The following AS3MT variants were observed in gnomAD, a reference collection of about 807,000 sequenced individuals.
The protein encoded by AS3MT is arsenite methyltransferase.
A neutral mutation model predicts 45.3 loss-of-function variants in AS3MT; 47 were observed. The observed-to-expected ratio is 1.04, with a 90% CI of 0.82 to 1.32. AS3MT has a LOEUF of 1.32. AS3MT is among the 40% of genes most tolerant of loss of function. The pLI is 0.00. For missense variants in AS3MT, 396 were observed against 451.1 expected, an observed-to-expected ratio of 0.88 and a Z score of 1.11; for synonymous variants, 141 against 152.8, an observed-to-expected ratio of 0.92 and a Z score of 0.57.
chr10:102,874,562 T>C, intron 5 of AS3MT, 30 bp from the exon 6 acceptor site: 1 of 1,496,912 alleles, frequency 6.7e-7, no homozygotes, highest in Non-Finnish European at 9.2e-7. Context: ...TTGTGAAGAT[T>C]TGCTCGACAT....
intron 5 of AS3MT, 45 bp downstream of exon 5, chr10:102,873,278 A>ATTT (rs761808698): frequency 2.7e-5 from 32 of 1,166,516 alleles, no homozygotes; most frequent in Non-Finnish European, 3.5e-5. Context: ...CATTTTCTTT[A>ATTT]TTATTATTAT....
intron 7 of AS3MT, 141 bp from the exon 8 acceptor site, chr10:102,878,238 G>A: frequency 8.2e-7 from 1 of 1,213,050 alleles, no homozygotes; most frequent in Non-Finnish European, 1.1e-6. Flanking sequence ...ACCTTGGAGG[G>A]ATGCTCAAGT....
chr10:102,873,065 A>T lies in AS3MT; in HGVS notation c.322-32A>T, dbSNP rs35140867. ...GAAAAAGTTGTGTATTTTTTTCAAA[A>T]TGTTATCAAAACTATATTTTTCTTA... On this transcript the variant is annotated intron_variant, in intron 4 of 10. Coordinates refer to ENST00000369880, the MANE Select transcript of AS3MT (RefSeq NM_020682.4). The T allele has an allele frequency of 2.7e-3, 4,187 of 1,524,000 alleles. 81 individuals carry two copies. In the African/African-American group the frequency reaches 0.049, roughly 18 times the overall value. The allele number at this position is 1,524,000 out of a possible 1,614,324, so 94.4% of individuals were successfully genotyped here. A position where few individuals can be genotyped will look rare whatever the true frequency, so the allele number is the denominator to read the frequency against.
intron 9 of AS3MT, among the ~76,000 whole-genome samples, chr10:102,887,357 G>C (rs1380382675): frequency 6.6e-6 from 1 of 152,162 alleles, no homozygotes; most frequent in Non-Finnish European, 1.5e-5. Context: ...CTAGTATATA[G>C]TTTAATGTTT....
intron 10 of AS3MT, among the ~76,000 whole-genome samples, chr10:102,899,813 G>A (rs539006538): frequency 4.0e-5 from 6 of 151,890 alleles, no homozygotes; most frequent in African/African-American, 1.2e-4. Context: ...GACTACAGAC[G>A]TGCCACCACA....
chr10:102,885,510 T>G (rs1445212414), intron 9 of AS3MT, among the ~76,000 whole-genome samples: 10 of 14,122 alleles, frequency 7.1e-4, no homozygotes, highest in Admixed American at 1.7e-3. Context: ...TTTTTTTTTT[T>G]TTTTTTTTTT....
intron 6 of AS3MT, 51 bp from the exon 7 acceptor site, chr10:102,876,903 G>T: frequency 6.5e-7 from 1 of 1,543,624 alleles, no homozygotes; most frequent in Non-Finnish European, 9.0e-7. Context: ...GTTATGTGGG[G>T]TCAATGTAAT....
chr10:102,877,615 G>A (rs889135746), intron 7 of AS3MT, among the ~76,000 whole-genome samples: 2 of 150,084 alleles, frequency 1.3e-5, no homozygotes, highest in Non-Finnish European at 3.0e-5. Flanking sequence ...GCACACACCT[G>A]TAACCCCAGA....
intron 6 of AS3MT, among the ~76,000 whole-genome samples, chr10:102,875,451 T>C (rs1590219802): frequency 8.8e-6 from 1 of 113,300 alleles, no homozygotes; most frequent in African/African-American, 3.5e-5. Flanking sequence ...CACTCCAGCC[T>C]GGGAGACAGA....
Position 102,876,945 on chromosome 10 carries a change from CTG to C in AS3MT, c.529-7_529-6del. 1 of 1,613,894 alleles carries C rather than the reference CTG, an allele frequency of 6.2e-7. No homozygotes were observed. On this transcript the variant is annotated splice_polypyrimidine_tract_variant and splice_region_variant and intron_variant, in intron 6 of 10. Transcript: ENST00000369880. Reference sequence around the variant, plus strand: ...TCATCTTGTTTGGACTAATATGCCTCTGTTTCAGCATGGTGGGGAGTTATATT... The same window carrying C: ...TCATCTTGTTTGGACTAATATGCCTCTTTCAGCATGGTGGGGAGTTATATT...
Position 102,890,953 on chromosome 10 carries a change from C to A in AS3MT, c.1020+275C>A, listed in dbSNP as rs180973069. ...GTCTTGAACTCCTGACCTCAGGTAA[C>A]CCACCTGCCTCAGTCTCCCAAAGTG... On this transcript the variant is annotated intron_variant, in intron 10 of 10. Transcript: ENST00000369880. 1.5e-3 allele frequency among the ~76,000 whole-genome samples: 222 copies of A among 152,164 alleles called. 1 individual carries two copies. The highest frequency in any genetic ancestry group is 4.9e-3 in the African/African-American group (202 of 41,532).
chr10:102,874,524 T>C (rs544242484), intron 5 of AS3MT, 68 bp from the exon 6 acceptor site: 1 of 1,173,806 alleles, frequency 8.5e-7, no homozygotes, highest in African/African-American at 1.5e-5. Flanking sequence ...ACCTTTAGGG[T>C]CTGAAAGGAT....
rs35801309 is a variant in AS3MT, at chr10:102,892,985, A to AAAATAAATAAATAAAT, written c.1020+2338_1020+2353dup. On this transcript the variant is annotated intron_variant, in intron 10 of 10. Transcript: ENST00000369880. ...TGGCAACAGAGTGAGACTCTGTCTC[A>AAAATAAATAAATAAAT]AAATAAATAAATAAATAAATAAATA... is the stretch of plus-strand genomic sequence containing the variant. 1.3e-3 allele frequency among the ~76,000 whole-genome samples: 174 copies of AAAATAAATAAATAAAT among 138,366 alleles called. 1 individual carries two copies. The highest frequency in any genetic ancestry group is 4.3e-3 in the African/African-American group (160 of 36,794). 90.8% of individuals were successfully genotyped at this position (138,366 alleles called of 152,430 possible).
chr10:102,896,914 T>C (rs80327774), intron 10 of AS3MT, among the ~76,000 whole-genome samples: 15,895 of 152,250 alleles, frequency 0.1, 857 homozygotes, highest in Middle Eastern at 0.18. Flanking sequence ...CTTTGGAAAG[T>C]AGACAGATTT....
rs1309828923 is a variant in AS3MT at position 102,881,379 on chromosome 10, C to T, written c.885+2388C>T. ...TCCAGAACAAAATTATGCTAAATCT[C>T]TCTGGTAATTAACTAAATAAAAATC... On this transcript the variant is annotated intron_variant, in intron 9 of 10. Transcript: ENST00000369880. The surrounding 1 kb of genome is among the most constrained non-coding windows in gnomAD (Gnocchi z 4.2). Among the ~76,000 whole-genome samples, 13 of 152,314 alleles carry T rather than the reference C, an allele frequency of 8.5e-5. No homozygotes were observed. Among genetic ancestry groups the T allele is most frequent in the Non-Finnish European group, 1.5e-5 (1 of 68,030 alleles).
At chr10:102,887,808 A>G (rs1458490772) in intron 9 of AS3MT, 3 of 152,878 alleles carry the variant, frequency 2.0e-5, no homozygotes, top group Non-Finnish European at 4.4e-5. Flanking sequence ...TTATTCAAGA[A>G]CTCATACCAA....
At chr10:102,899,723 A>G (rs574719137) in intron 10 of AS3MT, among the ~76,000 whole-genome samples, 1 of 147,350 alleles carries the variant, frequency 6.8e-6, no homozygotes, top group East Asian at 2.0e-4. Context: ...GTTGGAGTGC[A>G]GTGGTGTGAT....
At position 102,869,503 on chromosome 10, in the gene AS3MT, GTC is replaced by G. The variant is rs1844635598; in HGVS notation, c.-89_-88del. On this transcript the variant is annotated 5_prime_UTR_variant, in exon 1 of 11. Transcript: ENST00000369880. ...TGGCTGCGGGAGCCCGCCGTCCTGA[GTC>G]GCAGGCCGAGGAGACAGTGAGTGCG... The G allele has an allele frequency of 5.0e-6, 7 of 1,393,792 alleles. No individual in the cohort carries two copies. The African/African-American group carries it at 1.2e-4, about 23-fold the overall frequency. The allele number at this position is 1,393,792 out of a possible 1,614,324, so 86.3% of individuals were successfully genotyped here.
Position 102,878,389 on chromosome 10 carries a change from G to C in AS3MT, c.621G>C (p.Leu207=), listed in dbSNP as rs1844820751. 2.5e-6 allele frequency: 4 copies of C among 1,613,912 alleles called. No homozygotes were observed. In the African/African-American group the frequency reaches 4.0e-5, roughly 16 times the overall value. The stretch of plus-strand genomic sequence containing the variant: ...TTGTTTGTTTTTTAGGTGAGTGTCT[G>C]GGTGGTGCTTTATACTGGAAGGAAC... ...RTHKVLWGEC[L]GGALYWKELA... Residue 207 remains leucine, a synonymous_variant, in exon 8 of 11, where the codon CTG becomes CTC. Coordinates refer to ENST00000369880, the MANE Select transcript of AS3MT (RefSeq NM_020682.4).
Sources: gnomAD v4.1 joint callset for allele counts (sites outside exome capture counted in the v4.1 genomes callset) on GRCh38, gnomAD v4.1.1 for gene constraint, Gnocchi (gnomAD v3.1) non-coding constraint, MANE v1.5 for transcripts, NCBI Gene and HGNC (gene_info 2026-07-23, HGNC 2026-07-21) for gene names.